Variants in ANK3 observed in about 807,000 individuals in gnomAD.
ANK3 encodes the protein ankyrin 3, also known as ankyrin-3.
Under a neutral mutation model 370.9 loss-of-function variants are expected in ANK3, and 57 were observed. The observed-to-expected ratio is 0.15, with a 90% CI of 0.12 to 0.19. The LOEUF (loss-of-function observed/expected upper bound fraction) is 0.19. Among genes scored for constraint, ANK3 ranks in the 10% least tolerant of loss-of-function variants. The pLI is 1.00. For synonymous variants in ANK3, 1,929 were observed against 1,946.3 expected (o/e 0.99, Z 0.23); for missense variants, 4,439 against 5,302.1 (o/e 0.84, Z 5.06).
intron 1 of ANK3, among the ~76,000 whole-genome samples, chr10:60,681,635 C>T (rs2079196431): frequency 6.6e-6 from 1 of 152,168 alleles, no homozygotes; most frequent in East Asian, 1.9e-4. Flanking sequence ...GCATTCATTG[C>T]TTACACCACC....
chr10:60,381,109 T>C (rs1215665863), intron 1 of ANK3, among the ~76,000 whole-genome samples: 1 of 152,170 alleles, frequency 6.6e-6, no homozygotes, highest in Non-Finnish European at 1.5e-5. Context: ...GGGGGATAAA[T>C]TGGTTGGTAA....
At chr10:60,532,186 G>T (rs2076619846) in intron 2 of ANK3, among the ~76,000 whole-genome samples, 1 of 152,166 alleles carries the variant, frequency 6.6e-6, no homozygotes, top group Non-Finnish European at 1.5e-5. Flanking sequence ...TAATCTGCAT[G>T]TTGCAGTCTA....
intron 1 of ANK3, among the ~76,000 whole-genome samples, chr10:60,281,734 A>G (rs2098166552): frequency 6.6e-6 from 1 of 152,224 alleles, no homozygotes; most frequent in South Asian, 2.1e-4. Context: ...TAGCAGCAGC[A>G]GCAGTTTAAG....
rs140393250 is a variant in ANK3, at chr10:60,350,595, G to T, written c.114+38830C>A. ...GAAAGAGACTCAAAAATCTAACCAA[G>T]AGATTCTCTTAAACCTCAGCTCTAA... On this transcript the variant is annotated intron_variant, in intron 1 of 43. Transcript: ENST00000280772. 3.7e-3 allele frequency among the ~76,000 whole-genome samples: 557 copies of T among 152,310 alleles called. 1 individual carries two copies. The highest frequency in any genetic ancestry group is 5.8e-3 in the Non-Finnish European group (395 of 68,024).
intron 17 of ANK3, 30 bp from the exon 18 acceptor site, chr10:60,181,457 G>C: frequency 6.3e-7 from 1 of 1,587,902 alleles, no homozygotes. Flanking sequence ...CACAGTCATC[G>C]TACAGGAAGG....
chr10:60,088,879 TG>T (rs1181029616), intron 28 of ANK3, among the ~76,000 whole-genome samples: 1 of 151,970 alleles, frequency 6.6e-6, no homozygotes, highest in African/African-American at 2.4e-5. Context: ...TTTTACAGAG[TG>T]GGAACAAACA....
chr10:60,212,923 C>T (rs1242304388), intron 9 of ANK3, among the ~76,000 whole-genome samples: 1 of 152,070 alleles, frequency 6.6e-6, no homozygotes, highest in African/African-American at 2.4e-5. Flanking sequence ...AGGCAATCAT[C>T]ATGTGTTCCT....
chr10:60,331,030 C>T (rs993977298), intron 1 of ANK3, among the ~76,000 whole-genome samples: 2 of 151,902 alleles, frequency 1.3e-5, no homozygotes, highest in Non-Finnish European at 2.9e-5. Context: ...GAAAACCAAA[C>T]ACTGCATGTT....
Position 60,073,952 on chromosome 10 carries a change from TCAG to T in ANK3, c.6926_6928del (p.Ala2309del). 6.2e-7 allele frequency: 1 copy of T among 1,614,066 alleles called. No homozygotes were observed. Among genetic ancestry groups the T allele is most frequent in the Non-Finnish European group, 8.5e-7 (1 of 1,180,006 alleles). On this transcript the variant is annotated inframe_deletion, in exon 37 of 44. Coordinates refer to ENST00000280772, the MANE Select transcript of ANK3 (RefSeq NM_020987.5). The stretch of plus-strand genomic sequence containing the variant: ...CTTCTCTGCATGCTGGGCTGAGGTT[TCAG>T]CAGCAGACTTGTGAACATCTGGAGA...
At chr10:60,406,680 A>G (rs1181895024) in intron 2 of ANK3, among the ~76,000 whole-genome samples, 1 of 152,188 alleles carries the variant, frequency 6.6e-6, no homozygotes, top group Non-Finnish European at 1.5e-5. Flanking sequence ...TAGATAAGTT[A>G]GGTTTTCTCA....
chr10:60,203,333 T>C (rs1328162225), intron 11 of ANK3, among the ~76,000 whole-genome samples: 2 of 152,178 alleles, frequency 1.3e-5, no homozygotes, highest in African/African-American at 2.4e-5. Flanking sequence ...GTCATACCTA[T>C]TAAAAAAGAA....
chr10:60,086,990 CCAAA>C, intron 29 of ANK3, 106 bp from the exon 30 acceptor site: 1 of 100,746 alleles, frequency 9.9e-6, no homozygotes, highest in Non-Finnish European at 1.3e-5. Context: ...AAACAGACAA[CCAAA>C]AAAAAAAAAA....
At chr10:60,424,968 T>C (rs1462949276) in intron 2 of ANK3, among the ~76,000 whole-genome samples, 2 of 151,772 alleles carry the variant, frequency 1.3e-5, no homozygotes, top group Non-Finnish European at 2.9e-5. Flanking sequence ...CAACTAGAGA[T>C]GGGAAATGAG....
intron 11 of ANK3, among the ~76,000 whole-genome samples, chr10:60,204,428 T>C (rs1455706042): frequency 6.6e-6 from 1 of 152,214 alleles, no homozygotes; most frequent in Non-Finnish European, 1.5e-5. Flanking sequence ...CTTTCTATTT[T>C]ATACTTAAAA....
intron 2 of ANK3, among the ~76,000 whole-genome samples, chr10:60,478,670 A>G (rs765548769): frequency 1.3e-5 from 2 of 152,138 alleles, no homozygotes; most frequent in Non-Finnish European, 2.9e-5. Context: ...AATCACTTTC[A>G]TTGACAGAAC....
intron 1 of ANK3, among the ~76,000 whole-genome samples, chr10:60,634,055 G>A (rs926478514): frequency 1.3e-5 from 2 of 152,188 alleles, no homozygotes; most frequent in Non-Finnish European, 2.9e-5. Flanking sequence ...AGTCTGCATG[G>A]AGTTCAGGTG....
At chr10:60,354,920 G>A (rs998617649) in intron 1 of ANK3, among the ~76,000 whole-genome samples, 3 of 151,878 alleles carry the variant, frequency 2.0e-5, no homozygotes, top group Non-Finnish European at 4.4e-5. Context: ...TTCCACATTT[G>A]GTATTTCTGC....
chr10:60,459,936 G>A (rs1268321859), intron 2 of ANK3, among the ~76,000 whole-genome samples: 1 of 152,098 alleles, frequency 6.6e-6, no homozygotes, highest in East Asian at 1.9e-4. Flanking sequence ...CAGCTCTGGT[G>A]GCAAGAGCTT....
At chr10:60,692,519 A>G (rs1564564833) in intron 1 of ANK3, among the ~76,000 whole-genome samples, 1 of 152,200 alleles carries the variant, frequency 6.6e-6, no homozygotes, top group Non-Finnish European at 1.5e-5. Context: ...GAAGTGTCAC[A>G]CATTCTTCTC....
Sources: allele counts gnomAD v4.1 joint callset (sites outside exome capture counted in the v4.1 genomes callset), GRCh38; gene constraint gnomAD v4.1.1; transcripts MANE v1.5; gene names NCBI Gene and HGNC (gene_info 2026-07-23, HGNC 2026-07-21).